The following NEMP2 variants were observed in gnomAD, a reference collection of about 807,000 sequenced individuals.
NEMP2 encodes UPF0571 transmembrane protein.
Under a neutral mutation model 54.2 loss-of-function variants are expected in NEMP2, and 53 were observed. The ratio of observed to expected loss-of-function variants is 0.98; its 90% confidence interval spans 0.78 to 1.23. NEMP2 has a LOEUF of 1.23. Ranked by LOEUF, NEMP2 falls within the 50% of genes most tolerant of loss-of-function variation. The probability of loss-of-function intolerance (pLI) is 0.00; values close to 1 mark genes in which losing one functional copy is unlikely to be tolerated. For synonymous variants in NEMP2, 197 were observed against 190.3 expected (o/e 1.04, Z -0.29); for missense variants, 455 against 511.3 (o/e 0.89, Z 1.06).
chr2:190,630,607 A>G, the NEMP2 span, among the ~76,000 whole-genome samples: 1 of 152,118 alleles, frequency 6.6e-6, no homozygotes, highest in African/African-American at 2.4e-5. This position sits in a 1 kb window ranked among gnomAD's most constrained non-coding sequence, Gnocchi z 5.5. Flanking sequence ...AAAAATCCTT[A>G]AATCTTTTTT....
chr2:190,589,389 T>C, the NEMP2 span, among the ~76,000 whole-genome samples: 132 of 152,290 alleles, frequency 8.7e-4, no homozygotes, highest in Middle Eastern at 3.4e-3. The surrounding 1 kb of genome is among the most constrained non-coding windows in gnomAD (Gnocchi z 4.3). Context: ...TTGGATTCAA[T>C]GACTGACAAG....
the NEMP2 span, among the ~76,000 whole-genome samples, chr2:190,477,779 G>T: frequency 6.6e-6 from 1 of 152,186 alleles, no homozygotes; most frequent in Non-Finnish European, 1.5e-5. Flanking sequence ...AAATGTGCTA[G>T]GTAGCAGATA....
At chr2:190,540,472 T>A in the NEMP2 span, among the ~76,000 whole-genome samples, 1 of 152,088 alleles carries the variant, frequency 6.6e-6, no homozygotes, top group African/African-American at 2.4e-5. Flanking sequence ...TTATGTTTGG[T>A]AGAGATAGGG....
At chr2:190,604,394 A>G in the NEMP2 span, among the ~76,000 whole-genome samples, 2 of 152,204 alleles carry the variant, frequency 1.3e-5, no homozygotes, top group Non-Finnish European at 2.9e-5. The surrounding 1 kb of genome is among the most constrained non-coding windows in gnomAD (Gnocchi z 4.5). Flanking sequence ...TCTGGCAAAT[A>G]GTCTCTTCCC....
the NEMP2 span, among the ~76,000 whole-genome samples, chr2:190,439,422 G>A: frequency 1.3e-5 from 2 of 152,000 alleles, no homozygotes; most frequent in Non-Finnish European, 2.9e-5. This position sits in a 1 kb window ranked among gnomAD's most constrained non-coding sequence, Gnocchi z 5.8. Flanking sequence ...ACAACGTGCA[G>A]ATTTGTTGCA....
At chr2:190,482,870 T>TA in the NEMP2 span, among the ~76,000 whole-genome samples, 5 of 12,046 alleles carry the variant, frequency 4.2e-4, no homozygotes, top group Non-Finnish European at 6.0e-4. Context: ...ACTATCATCT[T>TA]TTTTTTTTTT....
the NEMP2 span, among the ~76,000 whole-genome samples, chr2:190,448,281 A>G: frequency 1.3e-5 from 2 of 152,332 alleles, no homozygotes; most frequent in South Asian, 4.1e-4. Context: ...GATACTCCCT[A>G]TGGCCTAAAA....
At chr2:190,452,677 A>G in the NEMP2 span, among the ~76,000 whole-genome samples, 3 of 152,158 alleles carry the variant, frequency 2.0e-5, no homozygotes, top group Non-Finnish European at 2.9e-5. Context: ...TGAATGACTA[A>G]TGCCTGGTAT....
the NEMP2 span, chr2:190,435,866 C>G: frequency 8.5e-6 from 8 of 937,472 alleles, no homozygotes; most frequent in Non-Finnish European, 1.2e-5. Context: ...AGAATTCTCT[C>G]TTGCAATTAT....
At chr2:190,484,882 A>C in the NEMP2 span, among the ~76,000 whole-genome samples, 13 of 152,286 alleles carry the variant, frequency 8.5e-5, no homozygotes, top group African/African-American at 3.1e-4. Context: ...ATACAAGCAG[A>C]GTGGCTTTCA....
the NEMP2 span, chr2:190,610,279 T>C: frequency 2.0e-5 from 3 of 152,346 alleles, no homozygotes; most frequent in East Asian, 1.9e-4. The surrounding 1 kb of genome is among the most constrained non-coding windows in gnomAD (Gnocchi z 5.4). Context: ...GTCTTTTATA[T>C]TGGCTTTGAT....
the NEMP2 span, chr2:190,626,926 T>C: frequency 5.9e-5 from 9 of 152,312 alleles, no homozygotes; most frequent in African/African-American, 2.2e-4. The surrounding 1 kb of genome is among the most constrained non-coding windows in gnomAD (Gnocchi z 4.5). Flanking sequence ...ATATTGAAAA[T>C]TGGACCTCAG....
the NEMP2 span, among the ~76,000 whole-genome samples, chr2:190,575,155 G>T: frequency 6.6e-6 from 1 of 151,610 alleles, no homozygotes; most frequent in Non-Finnish European, 1.5e-5. Context: ...GTGCCCAGCC[G>T]ACTCTGTTTC....
In NEMP2 at chr2:190,527,845, A is replaced by G. The variant is rs114168021; in HGVS notation, c.98-2467T>C. Among the ~76,000 whole-genome samples the G allele has an allele frequency of 2.4e-3, 358 of 152,298 alleles. No homozygotes were observed. The highest frequency in any genetic ancestry group is 8.0e-3 in the African/African-American group (333 of 41,570). ...TGAGCAACCTAGGGATCTAGGTTGC[A>G]TGCTTGTTATGATAATCTAACTAAT... On this transcript the variant is annotated intron_variant, in intron 1 of 8. Transcript: ENST00000409150. This position sits in a 1 kb window ranked among gnomAD's most constrained non-coding sequence, Gnocchi z 4.0.
chr2:190,464,738 A>T, the NEMP2 span: 1 of 174,982 alleles, frequency 5.7e-6, no homozygotes, highest in African/African-American at 2.4e-5. Flanking sequence ...TATTATATTT[A>T]ACTTATTTGT....
At chr2:190,534,503 G>A in intron 1 of NEMP2, 56 bp downstream of exon 1, 2 of 1,335,782 alleles carry the variant, frequency 1.5e-6, no homozygotes, top group Non-Finnish European at 1.9e-6. Flanking sequence ...CAGGGCAGCC[G>A]CGAAGCCGGG....
the NEMP2 span, among the ~76,000 whole-genome samples, chr2:190,552,400 A>G: frequency 6.6e-6 from 1 of 152,146 alleles, no homozygotes; most frequent in Non-Finnish European, 1.5e-5. Context: ...TACTGCTGCC[A>G]CTGTCATCTT....
At chr2:190,422,426 G>A in the NEMP2 span, among the ~76,000 whole-genome samples, 1 of 151,932 alleles carries the variant, frequency 6.6e-6, no homozygotes, top group Non-Finnish European at 1.5e-5. Context: ...TTATCCTTTT[G>A]TTCTGGTGGA....
At chr2:190,545,263 T>C in the NEMP2 span, among the ~76,000 whole-genome samples, 1 of 152,366 alleles carries the variant, frequency 6.6e-6, no homozygotes, top group South Asian at 2.1e-4. Context: ...CTTCACTTGA[T>C]TCCTAAGGAG....
Sources: allele counts gnomAD v4.1 joint callset (sites outside exome capture counted in the v4.1 genomes callset), GRCh38; gene constraint gnomAD v4.1.1; non-coding constraint Gnocchi (gnomAD v3.1); transcripts MANE v1.5; gene names NCBI Gene and HGNC (gene_info 2026-07-23, HGNC 2026-07-21).